SDK1: variants seen among roughly 807,000 people sequenced by gnomAD.
SDK1 encodes the protein sidekick cell adhesion molecule 1.
A neutral mutation model predicts 245.5 loss-of-function variants in SDK1; 157 were observed. That is an observed-to-expected ratio of 0.64 (90% CI 0.56 to 0.73). SDK1 has a LOEUF of 0.73. Ranked by LOEUF, SDK1 falls within the 30% of genes least tolerant of loss-of-function variation. The pLI, the probability that SDK1 is intolerant of heterozygous loss-of-function variation, is 0.00. For missense variants in SDK1, 3,583 were observed against 3,002.3 expected (o/e 1.19, Z -4.52); for synonymous variants, 1,647 against 1,278.5 (o/e 1.29, Z -6.15).
intron 5 of SDK1, among the ~76,000 whole-genome samples, chr7:3,927,296 A>G (rs1189504706): frequency 6.6e-6 from 1 of 152,072 alleles, no homozygotes; most frequent in Non-Finnish European, 1.5e-5. Context: ...TTTTTTTTAA[A>G]TTCAGGAAAT....
intron 1 of SDK1, among the ~76,000 whole-genome samples, chr7:3,381,178 C>G (rs926410339): frequency 2.6e-5 from 4 of 151,998 alleles, no homozygotes; most frequent in Non-Finnish European, 5.9e-5. Context: ...GTTGAAGAGA[C>G]TGGCAGAAGA....
intron 22 of SDK1, among the ~76,000 whole-genome samples, chr7:4,096,791 G>A (rs1371028712): frequency 6.6e-6 from 1 of 151,962 alleles, no homozygotes; most frequent in South Asian, 2.1e-4. Flanking sequence ...CAGGCAAGAT[G>A]AGCGCCACAT....
At position 4,024,355 on chromosome 7, in the gene SDK1, C is replaced by T. The variant is rs553024225; in HGVS notation, c.2602+7003C>T. On this transcript the variant is annotated intron_variant, in intron 17 of 44. Coordinates refer to ENST00000404826, the MANE Select transcript of SDK1 (RefSeq NM_152744.4). ...CTCAATGTGGCATTAAATGACATTG[C>T]ACAAAAGATTTGTTTCTCAAGCCCT... 2.7e-5 allele frequency among the ~76,000 whole-genome samples: 4 copies of T among 148,544 alleles called. No individual in the cohort carries two copies. The South Asian group carries it at 8.6e-4, about 32-fold the overall frequency.
chr7:4,149,939 T>G (rs1389298871), intron 30 of SDK1, among the ~76,000 whole-genome samples: 1 of 152,110 alleles, frequency 6.6e-6, no homozygotes, highest in Non-Finnish European at 1.5e-5. Flanking sequence ...TAGTGATGGC[T>G]GGGGAAGATG....
intron 25 of SDK1, 61 bp downstream of exon 25, chr7:4,114,335 T>TG (rs1464935155): frequency 1.5e-6 from 2 of 1,316,816 alleles, no homozygotes; most frequent in African/African-American, 2.9e-5. Flanking sequence ...TGAGTGCCCC[T>TG]GAGCCTCCAG....
intron 35 of SDK1, among the ~76,000 whole-genome samples, chr7:4,187,079 G>C (rs756245169): frequency 6.6e-6 from 1 of 152,172 alleles, no homozygotes; most frequent in Non-Finnish European, 1.5e-5. Context: ...AGTGTGGGTT[G>C]TGTGCATGTT....
intron 1 of SDK1, among the ~76,000 whole-genome samples, chr7:3,491,626 A>C (rs976902195): frequency 6.6e-6 from 1 of 152,218 alleles, no homozygotes; most frequent in African/African-American, 2.4e-5. Flanking sequence ...ACATAGCTAT[A>C]TCTCTCCTGA....
rs117073617 is a variant in SDK1 at position 3,914,262 on chromosome 7, C to T, written c.848-36661C>T. Among the ~76,000 whole-genome samples, 4 of 152,336 alleles carry T rather than the reference C, an allele frequency of 2.6e-5. No homozygotes were observed. The East Asian group carries it at 7.7e-4, about 29-fold the overall frequency. On this transcript the variant is annotated intron_variant, in intron 5 of 44. Coordinates refer to ENST00000404826, the MANE Select transcript of SDK1 (RefSeq NM_152744.4). ...GTACTTGCCTATTTTCATTCCTGCT[C>T]ATCCTACGTTATTGTGTCTTACTGG...
In SDK1 at chr7:3,669,657, C is replaced by G. The variant is rs186580509; in HGVS notation, c.713+27552C>G. On this transcript the variant is annotated intron_variant, in intron 4 of 44. Transcript: ENST00000404826. ...GTCCTAGCACTTCACTACCTCCCAC[C>G]TTATTCTCCCTCCTTAGGTAAGTTC... Among the ~76,000 whole-genome samples, 7 of 152,266 alleles carry G rather than the reference C, an allele frequency of 4.6e-5. 1 individual carries two copies. The South Asian group carries it at 6.2e-4, about 14-fold the overall frequency.
At chr7:4,005,219 G>A (rs185534775) in intron 14 of SDK1, among the ~76,000 whole-genome samples, 302 of 151,464 alleles carry the variant, frequency 2.0e-3, no homozygotes, top group Middle Eastern at 0.01. Flanking sequence ...CTAATTTTTT[G>A]TATTTTTAGT....
intron 1 of SDK1, among the ~76,000 whole-genome samples, chr7:3,395,173 C>CT (rs967707059): frequency 2.0e-5 from 3 of 151,868 alleles, no homozygotes; most frequent in African/African-American, 7.2e-5. Context: ...GTTGCTGAGA[C>CT]TTTTTATCTT....
At chr7:3,618,008 C>A (rs771113965) in intron 1 of SDK1, among the ~76,000 whole-genome samples, 3 of 152,026 alleles carry the variant, frequency 2.0e-5, no homozygotes, top group Non-Finnish European at 4.4e-5. Context: ...GCAGGTGGAT[C>A]TTGGGGACTT....
intron 18 of SDK1, 123 bp from the exon 19 acceptor site, chr7:4,051,515 A>T: frequency 1.2e-6 from 1 of 817,340 alleles, no homozygotes; most frequent in South Asian, 1.9e-5. Flanking sequence ...AAAATGCAGG[A>T]TTTATGGACT....
chr7:4,170,107 T>C (rs1255805770), intron 32 of SDK1, among the ~76,000 whole-genome samples: 1 of 152,188 alleles, frequency 6.6e-6, no homozygotes, highest in Non-Finnish European at 1.5e-5. Context: ...TTCTATTTCA[T>C]TGTGGCTAAC....
intron 19 of SDK1, among the ~76,000 whole-genome samples, chr7:4,066,301 C>T (rs1228795217): frequency 6.6e-6 from 1 of 152,148 alleles, no homozygotes. Flanking sequence ...GGCGGGGAAG[C>T]AGGGCCAACC....
At position 4,083,796 on chromosome 7, in the gene SDK1, T is replaced by C. The variant is rs201131593; in HGVS notation, c.3324+4212T>C. On this transcript the variant is annotated intron_variant, in intron 22 of 44. Transcript: ENST00000404826. Reference sequence around the variant, plus strand: ...CTTCTTTCCTCCCTCCTTTCCTCTCTCCCTCCCTTCCTTCCTTTCTTCCTC... The same window carrying C: ...CTTCTTTCCTCCCTCCTTTCCTCTCCCCCTCCCTTCCTTCCTTTCTTCCTC... Among the ~76,000 whole-genome samples, 379 of 59,040 alleles carry C rather than the reference T, an allele frequency of 6.4e-3. 8 individuals are homozygous for C. The highest frequency in any genetic ancestry group is 0.025 in the South Asian group (37 of 1,452). 38.7% of individuals were successfully genotyped at this position (59,040 alleles called of 152,430 possible). A position where few individuals can be genotyped will look rare whatever the true frequency, so the allele number is the denominator to read the frequency against.
At chr7:4,002,713 C>G (rs1235083336) in intron 14 of SDK1, among the ~76,000 whole-genome samples, 1 of 152,168 alleles carries the variant, frequency 6.6e-6, no homozygotes, top group African/African-American at 2.4e-5. Flanking sequence ...ATAAAATTTA[C>G]CATTTTTTAC....
chr7:3,641,887 T>G, intron 3 of SDK1, 71 bp from the exon 4 acceptor site: 1 of 1,283,348 alleles, frequency 7.8e-7, no homozygotes, highest in East Asian at 2.3e-5. Flanking sequence ...ACTTACCTGT[T>G]TCCATCTGTG....
At position 3,301,582 on chromosome 7, in the gene SDK1, T is replaced by G; in HGVS notation, c.-5T>G. ...GCGCGGCGCTCGGGGTGGCGGCTGC[T>G]CGGCATGGCCCGGGGCGCCCGGCCC... On this transcript the variant is annotated 5_prime_UTR_variant, in exon 1 of 45. Coordinates refer to ENST00000404826, the MANE Select transcript of SDK1 (RefSeq NM_152744.4). 2 of 960,194 alleles carry G rather than the reference T, an allele frequency of 2.1e-6. 1 individual carries two copies. The highest frequency in any genetic ancestry group is 2.4e-4 in the East Asian group (2 of 8,224). The allele number at this position is 960,194 out of a possible 1,614,324, so 59.5% of individuals were successfully genotyped here.
Sources: gnomAD v4.1 joint callset for allele counts (sites outside exome capture counted in the v4.1 genomes callset) on GRCh38, gnomAD v4.1.1 for gene constraint, MANE v1.5 for transcripts, NCBI Gene and HGNC (gene_info 2026-07-23, HGNC 2026-07-21) for gene names.